VWA3A: variants seen among roughly 807,000 people sequenced by gnomAD.
The protein encoded by VWA3A is von Willebrand factor A domain-containing protein 3A.
In VWA3A, 134 loss-of-function variants were observed where a neutral mutation model predicts 160.4. The observed-to-expected ratio is 0.84, with a 90% CI of 0.73 to 0.96. The LOEUF (loss-of-function observed/expected upper bound fraction) is 0.96. Ranked by LOEUF, VWA3A falls within the 40% of genes least tolerant of loss-of-function variation. The pLI is 0.00. For synonymous variants in VWA3A, 476 were observed against 543.4 expected, an observed-to-expected ratio of 0.88 and a Z score of 1.72; for missense variants, 1,310 against 1,447.9, an observed-to-expected ratio of 0.90 and a Z score of 1.55.
intron 21 of VWA3A, among the ~76,000 whole-genome samples, chr16:22,134,669 T>C (rs2046010112): frequency 6.6e-6 from 1 of 152,030 alleles, no homozygotes; most frequent in African/African-American, 2.4e-5. Flanking sequence ...TGTTTGTTTG[T>C]TTGTTTGTTT....
At chr16:22,097,424 C>G (rs1444894365) in intron 2 of VWA3A, 148 bp from the exon 3 acceptor site, 1 of 996,820 alleles carries the variant, frequency 1.0e-6, no homozygotes, top group Non-Finnish European at 1.4e-6. Flanking sequence ...CACATTTTAT[C>G]AGGACTCTGC....
intron 15 of VWA3A, 184 bp downstream of exon 15, chr16:22,123,349 C>A: frequency 8.1e-7 from 1 of 1,240,726 alleles, no homozygotes; most frequent in Non-Finnish European, 1.1e-6. Flanking sequence ...GACCTCAATG[C>A]CTTTAAAAAA....
At chr16:22,153,075 G>A (rs1393595146) in intron 31 of VWA3A, among the ~76,000 whole-genome samples, 1 of 152,170 alleles carries the variant, frequency 6.6e-6, no homozygotes, top group Non-Finnish European at 1.5e-5. Flanking sequence ...GCTGGGCACG[G>A]TGGTTCACAC....
intron 20 of VWA3A, among the ~76,000 whole-genome samples, chr16:22,133,635 G>A (rs1436081145): frequency 8.3e-6 from 1 of 119,972 alleles, no homozygotes; most frequent in Non-Finnish European, 1.6e-5. Flanking sequence ...GGGTGACAGA[G>A]CAAAACTCTG....
chr16:22,123,361 A>C, intron 15 of VWA3A, 196 bp downstream of exon 15: 2 of 1,351,618 alleles, frequency 1.5e-6, no homozygotes, highest in South Asian at 2.8e-5. Context: ...TTTAAAAAAA[A>C]AAAAGGCTTC....
rs370449117 is a variant in VWA3A at position 22,133,708 on chromosome 16, C to T, written c.2068+613C>T. ...AAAACTCTAAAAGTATATTATGAGT[C>T]AGGTGGTGGCTCACACCTGTAATCT... On this transcript the variant is annotated intron_variant, in intron 20 of 33. Transcript: ENST00000389398. Among the ~76,000 whole-genome samples, 11 of 150,618 alleles carry T rather than the reference C, an allele frequency of 7.3e-5. No individual in the cohort carries two copies. In the South Asian group the frequency reaches 1.7e-3, roughly 23 times the overall value.
chr16:22,097,247 G>T (rs537192861), intron 2 of VWA3A, among the ~76,000 whole-genome samples: 1 of 152,250 alleles, frequency 6.6e-6, no homozygotes, highest in East Asian at 1.9e-4. Context: ...TTACAAGCGT[G>T]AGCCACCGTG....
Position 22,133,000 on chromosome 16 carries a change from C to T in VWA3A, c.1973C>T (p.Pro658Leu), listed in dbSNP as rs1268713309. 8.7e-6 allele frequency: 14 copies of T among 1,613,876 alleles called. No individual in the cohort carries two copies. The highest frequency in any genetic ancestry group is 1.1e-5 in the South Asian group (1 of 91,082). ...YVGEPKMDTT[P>L]PARYASHTDT... ...GGCGAGCCAAAGATGGACACCACAC[C>T]CCCTGCCCGCTATGCCAGTCACACT... The change falls in exon 20 of 34, where the codon CCC becomes CTC. Residue 658 changes from proline (P) to leucine (L), a missense_variant. Physicochemically the swap from Pro to Leu is moderately conservative, Grantham distance 98. Transcript: ENST00000389398.
chr16:22,143,982 G>A (rs571696582), intron 25 of VWA3A, among the ~76,000 whole-genome samples: 16 of 151,808 alleles, frequency 1.1e-4, no homozygotes, highest in African/African-American at 3.9e-4. Context: ...TCAGGAGTTT[G>A]AGAACCACCG....
chr16:22,092,557 C>A lies in VWA3A; in HGVS notation c.-81C>A. ...TTCGCTGCTGAGTTGCTTGGAGGAG[C>A]TTGGAGAAACCAGAAGTGAGATCCA... is the stretch of plus-strand genomic sequence containing the variant. On this transcript the variant is annotated 5_prime_UTR_variant, in exon 1 of 34. Transcript: ENST00000389398. 1.3e-6 allele frequency: 2 copies of A among 1,531,450 alleles called. No homozygotes were observed. The highest frequency in any genetic ancestry group is 4.0e-5 in the Admixed American group (2 of 50,360). The allele number at this position is 1,531,450 out of a possible 1,614,324, so 94.9% of individuals were successfully genotyped here.
intron 27 of VWA3A, chr16:22,147,743 A>G: frequency 1.4e-6 from 1 of 692,396 alleles, no homozygotes; most frequent in East Asian, 2.7e-5. Context: ...ATAAAACCAG[A>G]GATCCAGCGA....
intron 26 of VWA3A, among the ~76,000 whole-genome samples, chr16:22,144,759 A>C (rs2046218056): frequency 6.6e-6 from 1 of 151,960 alleles, no homozygotes; most frequent in African/African-American, 2.4e-5. Flanking sequence ...CTCTGAAAAA[A>C]AATTAGATTA....
At chr16:22,094,838 C>A (rs574790990) in intron 1 of VWA3A, among the ~76,000 whole-genome samples, 1 of 151,906 alleles carries the variant, frequency 6.6e-6, no homozygotes, top group African/African-American at 2.4e-5. Context: ...TGGTGGTGGG[C>A]GCCTCTTAAT....
chr16:22,155,794 C>A (rs2046430857), intron 32 of VWA3A, 57 bp from the exon 33 acceptor site: 1 of 1,611,682 alleles, frequency 6.2e-7, no homozygotes, highest in Non-Finnish European at 8.5e-7. Flanking sequence ...CTTCTCCCAG[C>A]CAGCCCAGAA....
chr16:22,103,773 G>A lies in VWA3A; in HGVS notation c.483+244G>A, dbSNP rs545687725. Among the ~76,000 whole-genome samples, 188 of 152,202 alleles carry A rather than the reference G, an allele frequency of 1.2e-3. 6 individuals carry two copies. The South Asian group carries it at 0.039, about 31-fold the overall frequency. On this transcript the variant is annotated intron_variant, in intron 6 of 33. Coordinates refer to ENST00000389398, the MANE Select transcript of VWA3A (RefSeq NM_173615.5). ...TTATTCTCAGGACATCTCTCTTCAG[G>A]CATAGGAAGGTGGTGATCAGCAGCT...
rs149426765 is a variant in VWA3A, at chr16:22,108,676, C to T, written c.484-806C>T. ...TAAAGTAGGATTTAAGGAAAAACAC[C>T]GAATGGAACCTACTGCCCCTAGAGA... is the stretch of plus-strand genomic sequence containing the variant. On this transcript the variant is annotated intron_variant, in intron 6 of 33. Transcript: ENST00000389398. Among the ~76,000 whole-genome samples the T allele has an allele frequency of 9.7e-4, 147 of 152,064 alleles. 1 individual carries two copies. The highest frequency in any genetic ancestry group is 8.7e-3 in the Admixed American group (133 of 15,262).
Position 22,132,964 on chromosome 16 carries a change from T to A in VWA3A, c.1937T>A (p.Leu646His), listed in dbSNP as rs1479298044. Residue 646 changes from leucine to histidine, a missense_variant, in exon 20 of 34, where the codon CTC becomes CAC. Leu to His is a moderately conservative substitution (Grantham distance 99, BLOSUM62 -3). Transcript: ENST00000389398. ...GGCDLQLNVC[L>H]FYVGEPKMDT... ...TGCGACCTCCAGCTGAACGTGTGTC[T>A]CTTCTACGTGGGCGAGCCAAAGATG... The A allele has an allele frequency of 6.2e-7, 1 of 1,613,844 alleles. No individual in the cohort carries two copies.
At chr16:22,153,714 G>GTAAC (rs993902619) in intron 31 of VWA3A, among the ~76,000 whole-genome samples, 9 of 149,942 alleles carry the variant, frequency 6.0e-5, no homozygotes, top group Non-Finnish European at 8.9e-5. Flanking sequence ...GAGGTTAAAG[G>GTAAC]TTACTTTCAC....
At chr16:22,120,935 A>AT in intron 12 of VWA3A, 33 bp from the exon 13 acceptor site, 2 of 1,612,716 alleles carry the variant, frequency 1.2e-6, no homozygotes, top group Non-Finnish European at 1.7e-6. Flanking sequence ...CTAAAATATG[A>AT]TTATGTAATG....
Sources: gnomAD v4.1 joint callset for allele counts (sites outside exome capture counted in the v4.1 genomes callset) on GRCh38, gnomAD v4.1.1 for gene constraint, MANE v1.5 for transcripts, NCBI Gene and HGNC (gene_info 2026-07-23, HGNC 2026-07-21) for gene names.